CAST: variants seen among roughly 807,000 people sequenced by gnomAD.
CAST encodes the protein calpastatin, also known as MIR583 host.
In CAST, 76 loss-of-function variants were observed where a neutral mutation model predicts 119.6. That is an observed-to-expected ratio of 0.64 (90% CI 0.53 to 0.77). The LOEUF is 0.77. Among genes scored for constraint, CAST ranks in the 30% least tolerant of loss-of-function variants. The pLI, the probability that CAST is intolerant of heterozygous loss-of-function variation, is 0.00. For synonymous variants in CAST, 319 were observed against 331.6 expected, an observed-to-expected ratio of 0.96 and a Z score of 0.41; for missense variants, 953 against 946.5, an observed-to-expected ratio of 1.01 and a Z score of -0.09.
chr5:96,110,128 G>T, the CAST span, among the ~76,000 whole-genome samples: 1 of 152,150 alleles, frequency 6.6e-6, no homozygotes, highest in Non-Finnish European at 1.5e-5. Flanking sequence ...AGAGAATGGG[G>T]TGACATACAA....
intron 1 of CAST, among the ~76,000 whole-genome samples, chr5:96,651,930 G>C (rs1322623612): frequency 6.6e-6 from 1 of 152,162 alleles, no homozygotes. Context: ...TATTTAATCT[G>C]TGTGTTAAAT....
At chr5:96,352,937 C>A in the CAST span, among the ~76,000 whole-genome samples, 3 of 152,112 alleles carry the variant, frequency 2.0e-5, no homozygotes, top group Admixed American at 2.0e-4. Context: ...TGTAAGTTTC[C>A]TGAGGCCTCT....
the CAST span, among the ~76,000 whole-genome samples, chr5:96,446,450 A>G: frequency 6.6e-6 from 1 of 152,134 alleles, no homozygotes; most frequent in South Asian, 2.1e-4. Context: ...CATCACTCAT[A>G]TGTTTGTGGC....
At chr5:96,540,729 G>A (rs1290258784) in intron 1 of CAST, among the ~76,000 whole-genome samples, 2 of 152,068 alleles carry the variant, frequency 1.3e-5, no homozygotes, top group Non-Finnish European at 2.9e-5. Context: ...TCTAAGCTCC[G>A]GTAGTTTCTC....
chr5:96,305,044 A>G, the CAST span, among the ~76,000 whole-genome samples: 3 of 152,210 alleles, frequency 2.0e-5, no homozygotes, highest in Admixed American at 6.5e-5. Context: ...TTTGGGCAGT[A>G]CGGCCATTTT....
chr5:96,770,846 CCTGT>C (rs948297578), intron 30 of CAST, among the ~76,000 whole-genome samples: 1 of 152,006 alleles, frequency 6.6e-6, no homozygotes, highest in East Asian at 1.9e-4. Flanking sequence ...CTGTGTTTTG[CCTGT>C]CTTTCTTGCC....
intron 1 of CAST, among the ~76,000 whole-genome samples, chr5:96,578,687 C>T (rs959488774): frequency 6.6e-6 from 1 of 152,048 alleles, no homozygotes; most frequent in African/African-American, 2.4e-5. Flanking sequence ...AATTCCAACA[C>T]CTGACTCATC....
At chr5:96,620,915 A>G (rs761227923) in intron 1 of CAST, among the ~76,000 whole-genome samples, 1 of 152,202 alleles carries the variant, frequency 6.6e-6, no homozygotes, top group Non-Finnish European at 1.5e-5. Flanking sequence ...GATTTCAGTC[A>G]CCGTATGTGG....
chr5:96,382,279 C>T, the CAST span, among the ~76,000 whole-genome samples: 2 of 152,186 alleles, frequency 1.3e-5, no homozygotes, highest in African/African-American at 2.4e-5. Context: ...CACTTATTAG[C>T]TATGCGACCT....
At chr5:96,129,258 A>G in the CAST span, among the ~76,000 whole-genome samples, 1 of 152,184 alleles carries the variant, frequency 6.6e-6, no homozygotes, top group Non-Finnish European at 1.5e-5. Context: ...TTTAAAATGT[A>G]TACAGATTGT....
At chr5:96,349,018 G>A in the CAST span, among the ~76,000 whole-genome samples, 1 of 151,978 alleles carries the variant, frequency 6.6e-6, no homozygotes, top group South Asian at 2.1e-4. Flanking sequence ...GGGAGTTTGG[G>A]AAGGACAGGG....
chr5:96,069,487 A>C, the CAST span, among the ~76,000 whole-genome samples: 1 of 149,792 alleles, frequency 6.7e-6, no homozygotes, highest in Non-Finnish European at 1.5e-5. Context: ...TCTTTTTTTA[A>C]TTAAAAAATT....
intron 20 of CAST, among the ~76,000 whole-genome samples, chr5:96,752,332 G>A (rs1247293406): frequency 3.3e-5 from 5 of 152,158 alleles, no homozygotes; most frequent in African/African-American, 1.2e-4. Context: ...AAGGGCACAG[G>A]TTTGGGGAAG....
At chr5:96,616,753 T>TATATATACAC (rs1167637550) in intron 1 of CAST, among the ~76,000 whole-genome samples, 12 of 130,840 alleles carry the variant, frequency 9.2e-5, no homozygotes, top group African/African-American at 2.5e-4. Context: ...TCTATATATA[T>TATATATACAC]ACACACACAC....
At chr5:96,501,875 A>G in the CAST span, among the ~76,000 whole-genome samples, 2 of 152,352 alleles carry the variant, frequency 1.3e-5, no homozygotes, top group African/African-American at 4.8e-5. Context: ...TACAGTATTC[A>G]GTACAGTAAC....
At chr5:96,696,150 AATT>A (rs1358942664) in intron 3 of CAST, 8 of 249,688 alleles carry the variant, frequency 3.2e-5, no homozygotes, top group Admixed American at 2.1e-4. Flanking sequence ...AATAAATATT[AATT>A]ATTATGATGA....
the CAST span, among the ~76,000 whole-genome samples, chr5:96,201,575 A>C: frequency 6.6e-6 from 1 of 152,120 alleles, no homozygotes; most frequent in African/African-American, 2.4e-5. Flanking sequence ...CAGAAACCCC[A>C]ATGTGTCCAC....
the CAST span, among the ~76,000 whole-genome samples, chr5:96,030,401 T>C: frequency 6.6e-6 from 1 of 152,176 alleles, no homozygotes; most frequent in African/African-American, 2.4e-5. Context: ...AGGGAAATGC[T>C]TCTCTTCTGC....
chr5:96,625,516 C>T (rs1306013684), intron 1 of CAST, among the ~76,000 whole-genome samples: 2 of 152,320 alleles, frequency 1.3e-5, no homozygotes, highest in South Asian at 2.1e-4. Flanking sequence ...TTCCCCTATC[C>T]TCTCTGTGCT....
Sources: allele counts gnomAD v4.1 joint callset (sites outside exome capture counted in the v4.1 genomes callset), GRCh38; gene constraint gnomAD v4.1.1; transcripts MANE v1.5; gene names NCBI Gene and HGNC (gene_info 2026-07-23, HGNC 2026-07-21).